The following NEGR1 variants were observed in gnomAD, a reference collection of about 807,000 sequenced individuals.
NEGR1 encodes the protein IgLON family member 4.
In NEGR1, 10 loss-of-function variants were observed where a neutral mutation model predicts 40.9. The observed-to-expected ratio is 0.24, with a 90% CI of 0.15 to 0.42. The LOEUF is 0.42. Ranked by LOEUF, NEGR1 falls within the 10% of genes least tolerant of loss-of-function variation. The pLI, the probability that NEGR1 is intolerant of heterozygous loss-of-function variation, is 1.00. For synonymous variants in NEGR1, 185 were observed against 166.8 expected (o/e 1.11, Z -0.84); for missense variants, 352 against 438.9 (o/e 0.80, Z 1.77).
At chr1:72,027,814 C>T (rs1452176524) in intron 1 of NEGR1, among the ~76,000 whole-genome samples, 1 of 152,188 alleles carries the variant, frequency 6.6e-6, no homozygotes, top group African/African-American at 2.4e-5. Flanking sequence ...GGACAGATAG[C>T]ATGGCCATAT....
At chr1:71,781,809 C>A (rs142063067) in intron 2 of NEGR1, among the ~76,000 whole-genome samples, 1 of 152,180 alleles carries the variant, frequency 6.6e-6, no homozygotes, top group African/African-American at 2.4e-5. Context: ...GAATTATGCA[C>A]ACAATTATGA....
chr1:72,124,955 T>C (rs1179892929), intron 1 of NEGR1, among the ~76,000 whole-genome samples: 3 of 152,190 alleles, frequency 2.0e-5, no homozygotes, highest in Middle Eastern at 3.4e-3. Flanking sequence ...TTAACAAAAA[T>C]ATTTACTAAT....
intron 6 of NEGR1, among the ~76,000 whole-genome samples, chr1:71,498,449 T>C (rs1646979526): frequency 1.3e-5 from 2 of 152,070 alleles, no homozygotes; most frequent in African/African-American, 4.8e-5. Flanking sequence ...GATGTACATA[T>C]TATGCTTCAA....
At chr1:71,963,628 T>C (rs554613426) in intron 1 of NEGR1, among the ~76,000 whole-genome samples, 4 of 152,320 alleles carry the variant, frequency 2.6e-5, no homozygotes, top group Admixed American at 2.6e-4. Context: ...TATATTTTAA[T>C]GAATATGTGT....
chr1:71,919,728 C>T (rs1216794074), intron 2 of NEGR1, among the ~76,000 whole-genome samples: 1 of 152,148 alleles, frequency 6.6e-6, no homozygotes, highest in African/African-American at 2.4e-5. Flanking sequence ...CATAATACCA[C>T]ATTAGCCAAG....
intron 6 of NEGR1, among the ~76,000 whole-genome samples, chr1:71,457,489 C>T (rs921633712): frequency 1.3e-5 from 2 of 152,116 alleles, no homozygotes; most frequent in African/African-American, 4.8e-5. Context: ...TTGTATGATT[C>T]AGGGATTATG....
intron 1 of NEGR1, among the ~76,000 whole-genome samples, chr1:72,008,572 G>T (rs1291902444): frequency 6.6e-6 from 1 of 152,078 alleles, no homozygotes; most frequent in East Asian, 1.9e-4. Flanking sequence ...GCTTGCTACA[G>T]GGCCTGACAC....
intron 2 of NEGR1, among the ~76,000 whole-genome samples, chr1:71,886,293 T>A (rs952803459): frequency 6.6e-6 from 1 of 152,118 alleles, no homozygotes; most frequent in African/African-American, 2.4e-5. Flanking sequence ...AATATTAGTG[T>A]TTGCTATAGA....
chr1:71,673,895 T>C (rs1291671701), intron 4 of NEGR1, among the ~76,000 whole-genome samples: 1 of 152,156 alleles, frequency 6.6e-6, no homozygotes, highest in Non-Finnish European at 1.5e-5. Context: ...CATAGACATG[T>C]GGACGAATTA....
chr1:71,838,722 T>C (rs1395598652), intron 2 of NEGR1, among the ~76,000 whole-genome samples: 1 of 152,044 alleles, frequency 6.6e-6, no homozygotes, highest in East Asian at 1.9e-4. Flanking sequence ...ATTTAAATTC[T>C]CAGATGAGAG....
At chr1:72,012,191 T>C in intron 1 of NEGR1, among the ~76,000 whole-genome samples, 1 of 152,084 alleles carries the variant, frequency 6.6e-6, no homozygotes, top group East Asian at 1.9e-4. Context: ...ATTTCAAGTT[T>C]ATACACAATA....
intron 1 of NEGR1, among the ~76,000 whole-genome samples, chr1:72,023,650 TA>T (rs937606840): frequency 4.5e-4 from 56 of 124,428 alleles, no homozygotes; most frequent in Non-Finnish European, 8.1e-4. Context: ...AACATTTTAG[TA>T]AAAAAAAAAC....
chr1:72,201,782 T>C (rs1362684761), intron 1 of NEGR1, among the ~76,000 whole-genome samples: 2 of 151,944 alleles, frequency 1.3e-5, no homozygotes. Context: ...TAATGAAACA[T>C]GTAATTTTAG....
chr1:72,233,782 T>A (rs1570154787), intron 1 of NEGR1, among the ~76,000 whole-genome samples: 1 of 152,114 alleles, frequency 6.6e-6, no homozygotes, highest in Non-Finnish European at 1.5e-5. Context: ...TTTGGTAGAA[T>A]GATTTAGTTC....
At chr1:71,700,133 T>C (rs1482714050) in intron 3 of NEGR1, among the ~76,000 whole-genome samples, 1 of 152,056 alleles carries the variant, frequency 6.6e-6, no homozygotes, top group Non-Finnish European at 1.5e-5. Context: ...TGATTGATCA[T>C]GTCATAAATA....
At chr1:72,269,636 T>C (rs192595935) in intron 1 of NEGR1, among the ~76,000 whole-genome samples, 5 of 151,816 alleles carry the variant, frequency 3.3e-5, no homozygotes, top group Admixed American at 3.3e-4. Flanking sequence ...GTTGTGAGGA[T>C]TCATTGCAGT....
At chr1:72,141,789 G>A (rs1389262753) in intron 1 of NEGR1, among the ~76,000 whole-genome samples, 1 of 151,974 alleles carries the variant, frequency 6.6e-6, no homozygotes, top group African/African-American at 2.4e-5. Context: ...GACAAAAGCA[G>A]AAAGTCTTTT....
At chr1:72,048,547 C>G (rs1021116764) in intron 1 of NEGR1, among the ~76,000 whole-genome samples, 1 of 151,494 alleles carries the variant, frequency 6.6e-6, no homozygotes, top group Non-Finnish European at 1.5e-5. Flanking sequence ...AAGGGAACCA[C>G]TAAATAATTG....
chr1:71,947,042 C>T (rs974896948), intron 1 of NEGR1, among the ~76,000 whole-genome samples: 2 of 149,430 alleles, frequency 1.3e-5, no homozygotes, highest in African/African-American at 4.9e-5. Context: ...GAGCTGAGAT[C>T]ACACCACTGG....
Sources: allele counts gnomAD v4.1 joint callset (sites outside exome capture counted in the v4.1 genomes callset), GRCh38; gene constraint gnomAD v4.1.1; transcripts MANE v1.5; gene names NCBI Gene and HGNC (gene_info 2026-07-23, HGNC 2026-07-21).